The following SLC2A14 variants were observed in gnomAD, a reference collection of about 807,000 sequenced individuals.
SLC2A14 encodes solute carrier family 2, facilitated glucose transporter member 14.
Under a neutral mutation model 43.0 loss-of-function variants are expected in SLC2A14, and 13 were observed. The observed-to-expected ratio is 0.30, with a 90% CI of 0.20 to 0.48. The LOEUF (loss-of-function observed/expected upper bound fraction) is 0.48. Ranked by LOEUF, SLC2A14 falls within the 20% of genes least tolerant of loss-of-function variation. The pLI is 0.99. For synonymous variants in SLC2A14, 190 were observed against 233.8 expected (o/e 0.81, Z 1.71); for missense variants, 428 against 620.4 (o/e 0.69, Z 3.29).
In SLC2A14 at chr12:7,818,124, C is replaced by T. The variant is rs770813762; in HGVS notation, c.1072-90G>A. The T allele has an allele frequency of 1.1e-5, 13 of 1,195,732 alleles. No individual in the cohort carries two copies. In the East Asian group the frequency reaches 1.5e-4, roughly 14 times the overall value. The allele number at this position is 1,195,732 out of a possible 1,614,324, so 74.1% of individuals were successfully genotyped here. On this transcript the variant is annotated intron_variant, in intron 9 of 10. Transcript: ENST00000431042. ...AGAGGCAACTAATGGCAAGCTCCTC[C>T]TGTCCTGACGTACAATACAAAGAGT...
intron 1 of SLC2A14, among the ~76,000 whole-genome samples, chr12:7,887,890 G>T (rs1472783908): frequency 6.6e-6 from 1 of 152,102 alleles, no homozygotes; most frequent in Non-Finnish European, 1.5e-5. Context: ...ATACTCCTTA[G>T]CTCAAAATCT....
intron 2 of SLC2A14, among the ~76,000 whole-genome samples, chr12:7,845,748 C>T (rs1866412200): frequency 1.6e-5 from 2 of 128,190 alleles, no homozygotes; most frequent in African/African-American, 5.9e-5. Context: ...CACTGCACTC[C>T]AGCCTGGGCG....
chr12:7,862,636 C>T (rs1432530439), intron 2 of SLC2A14, among the ~76,000 whole-genome samples: 1 of 152,166 alleles, frequency 6.6e-6, no homozygotes, highest in Non-Finnish European at 1.5e-5. Flanking sequence ...CTAGGTGAAG[C>T]CAGCTGGGCT....
intron 2 of SLC2A14, among the ~76,000 whole-genome samples, chr12:7,846,786 T>A (rs952854480): frequency 4.0e-5 from 6 of 151,190 alleles, no homozygotes; most frequent in African/African-American, 7.3e-5. Context: ...CGCCCGCCAC[T>A]ACACCCGCCT....
At chr12:7,859,258 C>A (rs781103642) in intron 2 of SLC2A14, among the ~76,000 whole-genome samples, 1 of 151,986 alleles carries the variant, frequency 6.6e-6, no homozygotes, top group Admixed American at 6.6e-5. Context: ...GGCGTAGTGG[C>A]GCATGCCTGT....
At chr12:7,870,982 C>T in intron 1 of SLC2A14, 8 of 1,435,002 alleles carry the variant, frequency 5.6e-6, no homozygotes, top group South Asian at 4.5e-5. Flanking sequence ...ACATGATTGA[C>T]CAGAACCATG....
upstream of SLC2A14, among the ~76,000 whole-genome samples, chr12:7,878,036 C>A (rs1026861028): frequency 1.3e-5 from 2 of 151,160 alleles, no homozygotes; most frequent in Non-Finnish European, 3.0e-5. Context: ...CCACCATGCC[C>A]GGCCTTATTG....
intron 1 of SLC2A14, among the ~76,000 whole-genome samples, chr12:7,879,467 A>G (rs2121102269): frequency 6.6e-6 from 1 of 152,178 alleles, no homozygotes; most frequent in East Asian, 1.9e-4. Context: ...GGATCAACTG[A>G]GGTCAGGAGT....
intron 2 of SLC2A14, among the ~76,000 whole-genome samples, chr12:7,835,425 A>G (rs1460011229): frequency 6.6e-6 from 1 of 152,216 alleles, no homozygotes; most frequent in Admixed American, 6.5e-5. Context: ...ACTTTAATGT[A>G]GGTCTGCCTA....
intron 2 of SLC2A14, among the ~76,000 whole-genome samples, chr12:7,847,405 G>A (rs1328102546): frequency 6.6e-6 from 1 of 152,128 alleles, no homozygotes; most frequent in African/African-American, 2.4e-5. Context: ...AACTATACAT[G>A]TTTAAGAATC....
intron 2 of SLC2A14, among the ~76,000 whole-genome samples, chr12:7,847,126 C>T (rs949203964): frequency 1.3e-5 from 2 of 151,774 alleles, no homozygotes; most frequent in African/African-American, 2.4e-5. Flanking sequence ...GTGGTGCATG[C>T]CTGTAATCCC....
At chr12:7,890,929 T>C in intron 1 of SLC2A14, 1 of 1,479,500 alleles carries the variant, frequency 6.8e-7, no homozygotes, top group Non-Finnish European at 9.0e-7. Context: ...GTTTTTCCCT[T>C]TTTTAAAGAA....
upstream of SLC2A14, among the ~76,000 whole-genome samples, chr12:7,875,041 A>AT (rs768309687): frequency 8.7e-6 from 1 of 114,628 alleles, no homozygotes; most frequent in African/African-American, 3.5e-5. Flanking sequence ...ATATATAAAT[A>AT]TATATTTATA....
At chr12:7,821,881 G>A (rs768847965) in intron 7 of SLC2A14, among the ~76,000 whole-genome samples, 118 of 143,450 alleles carry the variant, frequency 8.2e-4, no homozygotes, top group African/African-American at 2.9e-3. Flanking sequence ...CTGGAATGCA[G>A]TGGCACGATC....
chr12:7,828,231 C>G (rs780991589), intron 6 of SLC2A14, among the ~76,000 whole-genome samples: 1 of 151,852 alleles, frequency 6.6e-6, no homozygotes, highest in African/African-American at 2.4e-5. Context: ...GGCGTGGTGT[C>G]GCGCGCACCT....
rs769916495 is a variant in SLC2A14, at chr12:7,818,027, T to C, written c.1079A>G (p.Tyr360Cys). The change falls in exon 10 of 11, where the codon TAT becomes TGT. Residue 360 changes from tyrosine (Y) to cysteine (C), a missense_variant. Tyr to Cys is a radical substitution (Grantham distance 194, BLOSUM62 -2). Coordinates refer to ENST00000431042, the MANE Select transcript of SLC2A14 (RefSeq NM_001286234.2). ...MTVSLLLKNH[Y>C]NGMSFVCIGA... The stretch of plus-strand genomic sequence containing the variant: ...AATACAGACAAAGCTCATCCCATTA[T>C]AGTGATTCTGTAAGAGGAAGGAACA... 2 of 1,613,610 alleles carry C rather than the reference T, an allele frequency of 1.2e-6. No homozygotes were observed. The highest frequency in any genetic ancestry group is 1.1e-5 in the South Asian group (1 of 91,032).
intron 9 of SLC2A14, among the ~76,000 whole-genome samples, chr12:7,819,219 A>G (rs764336488): frequency 6.6e-6 from 1 of 151,114 alleles, no homozygotes; most frequent in East Asian, 1.9e-4. Flanking sequence ...CTCCGTCTCA[A>G]ACAAACAAAC....
chr12:7,880,147 C>A (rs894249986), intron 1 of SLC2A14, among the ~76,000 whole-genome samples: 3 of 150,668 alleles, frequency 2.0e-5, no homozygotes, highest in Admixed American at 2.0e-4. Context: ...ACTAAAAATA[C>A]AAAATTAGCC....
At chr12:7,834,563 CAA>C (rs34192898) in intron 2 of SLC2A14, among the ~76,000 whole-genome samples, 31,843 of 121,308 alleles carry the variant, frequency 0.26, 4,254 homozygotes, top group Middle Eastern at 0.4. Flanking sequence ...CCTTCTCTAT[CAA>C]AAAAAAAAAA....
Sources: allele counts gnomAD v4.1 joint callset (sites outside exome capture counted in the v4.1 genomes callset), GRCh38; gene constraint gnomAD v4.1.1; transcripts MANE v1.5; gene names NCBI Gene and HGNC (gene_info 2026-07-23, HGNC 2026-07-21).